The following PPM1B variants were observed in gnomAD, a reference collection of about 807,000 sequenced individuals.
PPM1B encodes protein phosphatase, Mg2+/Mn2+ dependent 1B, also known as protein phosphatase 1B.
A neutral mutation model predicts 43.0 loss-of-function variants in PPM1B; 22 were observed. That is an observed-to-expected ratio of 0.51 (90% confidence interval 0.37 to 0.73). The LOEUF (loss-of-function observed/expected upper bound fraction) is 0.73, where lower values mean the gene tolerates loss of function less well. Ranked by LOEUF, PPM1B falls within the 30% of genes least tolerant of loss-of-function variation. The pLI, the probability that PPM1B is intolerant of heterozygous loss-of-function variation, is 0.00. For synonymous variants in PPM1B, 217 were observed against 197.9 expected (o/e 1.10, Z -0.81); for missense variants, 632 against 584.2 (o/e 1.08, Z -0.84).
downstream of PPM1B, chr2:44,233,122 A>T (rs1388917818): frequency 1.0e-6 from 1 of 978,984 alleles, no homozygotes; most frequent in African/African-American, 1.8e-5. Flanking sequence ...TGCCTTTATA[A>T]TGTAAATTGT....
In PPM1B at chr2:44,230,561, G is replaced by C. The variant is rs1453050763; in HGVS notation, c.1283G>C (p.Ser428Thr). Residue 428 changes from serine to threonine, a missense_variant, in exon 6 of 6, where the codon AGC (serine) becomes ACC (threonine). Physicochemically the swap from Ser to Thr is moderately conservative, Grantham distance 58 (BLOSUM62 1). This residue lies in a region of PPM1B where 392 missense variants were observed against 302.7 expected (regional missense o/e 1.29). Transcript: ENST00000282412. ...YRLAKVEGEE[S>T]PAEPAATATS... is the part of the protein sequence containing the mutation. ...CTAGCTAAAGTAGAGGGAGAAGAAA[G>C]CCCTGCTGAACCAGCTGCCACAGCT... 1 of 1,614,004 alleles carries C rather than the reference G, an allele frequency of 6.2e-7. No individual in the cohort carries two copies. The highest frequency in any genetic ancestry group is 8.5e-7 in the Non-Finnish European group (1 of 1,180,004).
At chr2:44,169,871 A>G (rs752844777) in intron 1 of PPM1B, among the ~76,000 whole-genome samples, 6 of 152,132 alleles carry the variant, frequency 3.9e-5, no homozygotes, top group Non-Finnish European at 5.9e-5. Flanking sequence ...TTCGGATGTC[A>G]TTCCTAACAG....
At chr2:44,197,342 C>T (rs907892115) in intron 1 of PPM1B, among the ~76,000 whole-genome samples, 1 of 152,168 alleles carries the variant, frequency 6.6e-6, no homozygotes, top group Non-Finnish European at 1.5e-5. Flanking sequence ...TGATCTCGAA[C>T]TCCTGGGCCC....
chr2:44,234,443 C>T (rs367740403), downstream of PPM1B: 2 of 659,662 alleles, frequency 3.0e-6, no homozygotes, highest in Non-Finnish European at 3.7e-6. Flanking sequence ...TGCTTGAACC[C>T]AGGAGGCGGA....
At chr2:44,218,404 G>C in intron 4 of PPM1B, 76 bp from the exon 5 acceptor site, 1 of 1,118,936 alleles carries the variant, frequency 8.9e-7, no homozygotes, top group Non-Finnish European at 1.3e-6. Flanking sequence ...GTGTGGTCAG[G>C]ATGAAATATT....
At chr2:44,172,150 T>G (rs1667377242) in intron 1 of PPM1B, among the ~76,000 whole-genome samples, 1 of 152,246 alleles carries the variant, frequency 6.6e-6, no homozygotes, top group Non-Finnish European at 1.5e-5. Flanking sequence ...AAGATAATTT[T>G]CAGGAGTATG....
chr2:44,212,304 C>A (rs1669508764), intron 3 of PPM1B, among the ~76,000 whole-genome samples: 1 of 152,260 alleles, frequency 6.6e-6, no homozygotes, highest in Non-Finnish European at 1.5e-5. Context: ...AGAAACCTGT[C>A]CTCTACTGTC....
chr2:44,228,855 C>G (rs1670341912), intron 5 of PPM1B, among the ~76,000 whole-genome samples: 1 of 151,938 alleles, frequency 6.6e-6, no homozygotes. Flanking sequence ...CATATTTTAC[C>G]TGTAAACATT....
rs781593056 is a variant in PPM1B at position 44,230,560 on chromosome 2, A to G, written c.1282A>G (p.Ser428Gly). 18 of 1,614,074 alleles carry G rather than the reference A, an allele frequency of 1.1e-5. No homozygotes were observed. The highest frequency in any genetic ancestry group is 2.2e-5 in the East Asian group (1 of 44,892). The change falls in exon 6 of 6, where the codon AGC (serine) becomes GGC (glycine). Residue 428 changes from serine to glycine, a missense_variant. By Grantham distance (56) the Ser-to-Gly change is moderately conservative. This residue lies in a region of PPM1B where 392 missense variants were observed against 302.7 expected (regional missense o/e 1.29). Coordinates refer to ENST00000282412, the MANE Select transcript of PPM1B (RefSeq NM_002706.6). The part of the protein sequence containing the change: ...YRLAKVEGEE[S>G]PAEPAATATS... ...GCTAGCTAAAGTAGAGGGAGAAGAA[A>G]GCCCTGCTGAACCAGCTGCCACAGC...
intron 5 of PPM1B, among the ~76,000 whole-genome samples, chr2:44,228,433 A>C (rs926114775): frequency 6.6e-6 from 1 of 152,044 alleles, no homozygotes; most frequent in Admixed American, 6.6e-5. Flanking sequence ...CCGTCTCCCA[A>C]AGTGGTGAAA....
intron 5 of PPM1B, among the ~76,000 whole-genome samples, chr2:44,219,972 G>A (rs1179728450): frequency 4.0e-5 from 6 of 151,686 alleles, no homozygotes; most frequent in African/African-American, 1.5e-4. Flanking sequence ...ACCCAAAGCT[G>A]AGAAAATTAA....
intron 2 of PPM1B, among the ~76,000 whole-genome samples, chr2:44,204,006 G>A (rs1669057930): frequency 1.3e-5 from 2 of 152,126 alleles, no homozygotes; most frequent in African/African-American, 4.8e-5. Flanking sequence ...ATTCTAGATG[G>A]CATCCTAGAA....
intron 1 of PPM1B, among the ~76,000 whole-genome samples, chr2:44,181,413 CT>C (rs1667869229): frequency 6.6e-6 from 1 of 152,110 alleles, no homozygotes; most frequent in South Asian, 2.1e-4. Flanking sequence ...ACCACTGCAT[CT>C]TTTAGGGACA....
intron 1 of PPM1B, among the ~76,000 whole-genome samples, chr2:44,197,165 C>T (rs1022707359): frequency 1.3e-5 from 2 of 152,006 alleles, no homozygotes; most frequent in Non-Finnish European, 2.9e-5. Context: ...CCTGTCATAC[C>T]ACTGGAGTGC....
chr2:44,186,612 C>T (rs1382807461), intron 1 of PPM1B, among the ~76,000 whole-genome samples: 1 of 152,188 alleles, frequency 6.6e-6, no homozygotes, highest in African/African-American at 2.4e-5. Context: ...TGGACTCAGG[C>T]AATCCACCCG....
At chr2:44,170,125 C>G (rs764663840) in intron 1 of PPM1B, among the ~76,000 whole-genome samples, 15 of 152,158 alleles carry the variant, frequency 9.9e-5, no homozygotes, top group Non-Finnish European at 1.6e-4. Flanking sequence ...CTTGCATGAC[C>G]TCTCATATCA....
At chr2:44,188,919 G>A (rs1440327539) in intron 1 of PPM1B, among the ~76,000 whole-genome samples, 1 of 149,828 alleles carries the variant, frequency 6.7e-6, no homozygotes, top group Non-Finnish European at 1.5e-5. Context: ...TGGGTTTTTT[G>A]TTGTTGTTGT....
At chr2:44,192,015 A>C (rs1295621757) in intron 1 of PPM1B, among the ~76,000 whole-genome samples, 4 of 149,182 alleles carry the variant, frequency 2.7e-5, no homozygotes, top group Non-Finnish European at 5.9e-5. Flanking sequence ...CTGATCCTGC[A>C]GCTTTCTTAG....
intron 5 of PPM1B, among the ~76,000 whole-genome samples, chr2:44,227,675 A>G (rs555887306): frequency 2.6e-5 from 4 of 151,334 alleles, no homozygotes; most frequent in African/African-American, 7.3e-5. Context: ...CACACACACC[A>G]TACCTGGCTA....
Sources: gnomAD v4.1 joint callset for allele counts (sites outside exome capture counted in the v4.1 genomes callset) on GRCh38, gnomAD v4.1.1 for gene constraint, gnomAD v4.1.1 regional missense constraint, MANE v1.5 for transcripts, NCBI Gene and HGNC (gene_info 2026-07-23, HGNC 2026-07-21) for gene names.